The following RNF169 variants were observed in gnomAD, a reference collection of about 807,000 sequenced individuals.
RNF169 encodes the protein E3 ubiquitin-protein ligase RNF169.
Under a neutral mutation model 53.9 loss-of-function variants are expected in RNF169, and 24 were observed. The ratio of observed to expected loss-of-function variants is 0.45; its 90% CI spans 0.32 to 0.63. RNF169 has a LOEUF of 0.63. Among genes scored for constraint, RNF169 ranks in the 20% least tolerant of loss-of-function variants. The pLI is 0.04. For missense variants in RNF169, 883 were observed against 906.2 expected, an observed-to-expected ratio of 0.97 and a Z score of 0.33; for synonymous variants, 396 against 363.5, an observed-to-expected ratio of 1.09 and a Z score of -1.02.
chr11:74,785,197 GATATATATATA>G (rs2035475248), intron 1 of RNF169, among the ~76,000 whole-genome samples: 1 of 111,066 alleles, frequency 9.0e-6, no homozygotes, highest in East Asian at 2.5e-4. Context: ...ATATATATAT[GATATATATATA>G]TGATATATAT....
intron 1 of RNF169, among the ~76,000 whole-genome samples, chr11:74,770,938 T>C (rs2035250633): frequency 1.3e-5 from 2 of 152,140 alleles, no homozygotes; most frequent in Admixed American, 1.3e-4. Flanking sequence ...CCCGAGTAGC[T>C]GGGATTACAG....
At chr11:74,772,251 C>G (rs1054006535) in intron 1 of RNF169, among the ~76,000 whole-genome samples, 2 of 152,150 alleles carry the variant, frequency 1.3e-5, no homozygotes, top group African/African-American at 4.8e-5. Flanking sequence ...ATCAGAAAAT[C>G]TGGATTTGAA....
In RNF169 at chr11:74,773,779, G is replaced by A. The variant is rs534253536; in HGVS notation, c.503-15847G>A. On this transcript the variant is annotated intron_variant, in intron 1 of 5. Coordinates refer to ENST00000299563, the MANE Select transcript of RNF169 (RefSeq NM_001098638.2). ...CTACTTAGTAGCTGTGTGGCTTTGG[G>A]CAAGCATCTTAAACTCTGTGCCTAA... Among the ~76,000 whole-genome samples, 12 of 152,294 alleles carry A rather than the reference G, an allele frequency of 7.9e-5. No individual in the cohort carries two copies. In the South Asian group the frequency reaches 1.9e-3, roughly 24 times the overall value.
chr11:74,821,586 A>C (rs2036010768), intron 4 of RNF169, among the ~76,000 whole-genome samples: 1 of 99,664 alleles, frequency 1.0e-5, no homozygotes, highest in Non-Finnish European at 1.8e-5. Context: ...TGAACCCGGG[A>C]GGCGGAGCTT....
chr11:74,779,987 A>G (rs1017276574), intron 1 of RNF169, among the ~76,000 whole-genome samples: 1 of 152,154 alleles, frequency 6.6e-6, no homozygotes. Flanking sequence ...GCAGGTAAAT[A>G]TGAGATTAAT....
chr11:74,826,583 C>G (rs1262589729), intron 4 of RNF169, among the ~76,000 whole-genome samples: 1 of 152,194 alleles, frequency 6.6e-6, no homozygotes, highest in Non-Finnish European at 1.5e-5. Context: ...CCCCCAAAGT[C>G]TCATCTGAGA....
chr11:74,760,419 A>G (rs2035062916), intron 1 of RNF169, among the ~76,000 whole-genome samples: 1 of 151,256 alleles, frequency 6.6e-6, no homozygotes, highest in South Asian at 2.1e-4. Context: ...TCAATTTTGG[A>G]TCTTTCCTGC....
intron 2 of RNF169, among the ~76,000 whole-genome samples, chr11:74,806,867 GATA>G (rs2035812389): frequency 6.6e-6 from 1 of 151,878 alleles, no homozygotes; most frequent in African/African-American, 2.4e-5. Flanking sequence ...GTGGTGAATG[GATA>G]ATTTATCATG....
chr11:74,760,628 A>G (rs547029382), intron 1 of RNF169, among the ~76,000 whole-genome samples: 11 of 150,974 alleles, frequency 7.3e-5, no homozygotes, highest in African/African-American at 2.7e-4. Flanking sequence ...GCTTTGAGTG[A>G]GATTATTAAT....
chr11:74,790,756 C>T (rs2035567719), intron 2 of RNF169, among the ~76,000 whole-genome samples: 1 of 152,226 alleles, frequency 6.6e-6, no homozygotes, highest in South Asian at 2.1e-4. Context: ...ACCAGGACTA[C>T]TGCAAGTGGC....
chr11:74,785,941 CTTTTTTTTTTTT>C (rs796451609), intron 1 of RNF169, among the ~76,000 whole-genome samples: 1 of 130,226 alleles, frequency 7.7e-6, no homozygotes, highest in Admixed American at 7.8e-5. Flanking sequence ...GTTTTCTTTT[CTTTTTTTTTTTT>C]TTTTTTGAGA....
chr11:74,799,355 A>G lies in RNF169; in HGVS notation c.576+9656A>G, dbSNP rs2035697362. Reference sequence around the variant, plus strand: ...GATGTTCAGAATCCAAGAACATTAGATATGGTTGTTGTCTCCTTTTGCTAT... The same window carrying G: ...GATGTTCAGAATCCAAGAACATTAGGTATGGTTGTTGTCTCCTTTTGCTAT... On this transcript the variant is annotated intron_variant, in intron 2 of 5. Coordinates refer to ENST00000299563, the MANE Select transcript of RNF169 (RefSeq NM_001098638.2). 1.3e-5 allele frequency among the ~76,000 whole-genome samples: 2 copies of G among 152,162 alleles called. 1 individual carries two copies. Among genetic ancestry groups the G allele is most frequent in the Admixed American group, 1.3e-4 (2 of 15,278 alleles).
At chr11:74,784,198 A>C (rs2035455737) in intron 1 of RNF169, among the ~76,000 whole-genome samples, 2 of 152,252 alleles carry the variant, frequency 1.3e-5, no homozygotes, top group South Asian at 4.1e-4. Context: ...CATATTGAGT[A>C]GGAAATAAAA....
intron 4 of RNF169, among the ~76,000 whole-genome samples, chr11:74,827,630 G>A (rs576595523): frequency 6.6e-6 from 1 of 152,172 alleles, no homozygotes; most frequent in Admixed American, 6.5e-5. Context: ...TTTGGGTGGG[G>A]ACACAAAGCC....
Position 74,835,932 on chromosome 11 carries a change from C to G in RNF169, c.1329C>G (p.Ile443Met). ...KWEQIFQERQ[I>M]KKTLSKATLT... ...AACAGATCTTTCAGGAGCGGCAGAT[C>G]AAAAAGACCCTTTCAAAAGCCACTC... is the stretch of plus-strand genomic sequence containing the variant. Residue 443 changes from isoleucine (I) to methionine (M), a missense_variant, in exon 6 of 6, where the codon ATC becomes ATG. This residue lies in a region of RNF169 where 351 missense variants were observed against 337.3 expected (regional missense o/e 1.04). Transcript: ENST00000299563. The G allele has an allele frequency of 1.2e-6, 2 of 1,614,076 alleles. No homozygotes were observed. The highest frequency in any genetic ancestry group is 1.7e-6 in the Non-Finnish European group (2 of 1,180,012).
At chr11:74,834,245 A>C (rs2036218702) in intron 4 of RNF169, among the ~76,000 whole-genome samples, 1 of 152,228 alleles carries the variant, frequency 6.6e-6, no homozygotes, top group Admixed American at 6.5e-5. Flanking sequence ...GATCTAATGC[A>C]CTGCTGTGCA....
chr11:74,820,311 T>C (rs1042898681), intron 4 of RNF169, among the ~76,000 whole-genome samples: 6 of 152,088 alleles, frequency 3.9e-5, no homozygotes, highest in Admixed American at 1.3e-4. Flanking sequence ...CTAGGTAAAA[T>C]TGCAGAGTTA....
At chr11:74,751,060 G>A (rs1468019957) in intron 1 of RNF169, among the ~76,000 whole-genome samples, 4 of 151,734 alleles carry the variant, frequency 2.6e-5, no homozygotes, top group African/African-American at 4.8e-5. Flanking sequence ...TAGTAGAGAC[G>A]GGGTTTCGCC....
chr11:74,793,859 C>G lies in RNF169; in HGVS notation c.576+4160C>G, dbSNP rs1467802196. On this transcript the variant is annotated intron_variant, in intron 2 of 5. Coordinates refer to ENST00000299563, the MANE Select transcript of RNF169 (RefSeq NM_001098638.2). ...AATATGAAAGTCCCTTTTTACCTTT[C>G]TTCCCACTGTCCTTCCCAGAAGTAC... 2.0e-5 allele frequency among the ~76,000 whole-genome samples: 3 copies of G among 152,150 alleles called. No homozygotes were observed. In the South Asian group the frequency reaches 6.2e-4, roughly 31 times the overall value.
Sources: gnomAD v4.1 joint callset for allele counts (sites outside exome capture counted in the v4.1 genomes callset) on GRCh38, gnomAD v4.1.1 for gene constraint, gnomAD v4.1.1 regional missense constraint, MANE v1.5 for transcripts, NCBI Gene and HGNC (gene_info 2026-07-23, HGNC 2026-07-21) for gene names.